The following FBXO28 variants were observed in gnomAD, a reference collection of about 807,000 sequenced individuals.
The protein encoded by FBXO28 is F-box protein 28, also known as F-box only protein 28.
A neutral mutation model predicts 38.1 loss-of-function variants in FBXO28; 8 were observed. That is an observed-to-expected ratio of 0.21 (90% confidence interval 0.12 to 0.38). The LOEUF is 0.38. Ranked by LOEUF, FBXO28 falls within the 10% of genes least tolerant of loss-of-function variation. FBXO28 has a pLI of 1.00. For missense variants in FBXO28, 345 were observed against 460.6 expected (o/e 0.75, Z 2.30); for synonymous variants, 168 against 173.8 (o/e 0.97, Z 0.26).
chr1:224,122,010 G>A (rs1456200911), intron 1 of FBXO28, among the ~76,000 whole-genome samples: 2 of 152,118 alleles, frequency 1.3e-5, no homozygotes, highest in African/African-American at 4.8e-5. Flanking sequence ...TCCTGACCTC[G>A]TGATCCACCT....
chr1:224,139,155 A>G (rs1470435550), intron 3 of FBXO28, among the ~76,000 whole-genome samples: 4 of 151,740 alleles, frequency 2.6e-5, no homozygotes, highest in Non-Finnish European at 5.9e-5. Context: ...ATGGTCCCCA[A>G]AAATTAGGGT....
chr1:224,139,912 T>G (rs1179502430), intron 3 of FBXO28, among the ~76,000 whole-genome samples: 1 of 151,794 alleles, frequency 6.6e-6, no homozygotes, highest in Non-Finnish European at 1.5e-5. Flanking sequence ...GGCTGCAAAG[T>G]AAGACCCCCG....
At chr1:224,146,702 A>T (rs1304604329) in intron 3 of FBXO28, among the ~76,000 whole-genome samples, 51 of 110,322 alleles carry the variant, frequency 4.6e-4, no homozygotes, top group Non-Finnish European at 5.6e-4. Flanking sequence ...TAAAACTAAA[A>T]TTTTTTTTTT....
chr1:224,128,675 G>A (rs1017753554), intron 1 of FBXO28, among the ~76,000 whole-genome samples: 9 of 152,062 alleles, frequency 5.9e-5, no homozygotes, highest in African/African-American at 2.2e-4. Flanking sequence ...TTCTGATCCT[G>A]TGCTTTTACT....
At chr1:224,129,347 A>G (rs1054686190) in intron 1 of FBXO28, among the ~76,000 whole-genome samples, 6 of 152,156 alleles carry the variant, frequency 3.9e-5, no homozygotes, top group Non-Finnish European at 7.3e-5. Context: ...TCTCAAAAAG[A>G]TATTTTGGAG....
At chr1:224,116,941 G>A (rs780510274) in intron 1 of FBXO28, among the ~76,000 whole-genome samples, 13 of 152,120 alleles carry the variant, frequency 8.5e-5, no homozygotes, top group Admixed American at 6.5e-4. Flanking sequence ...TTGGGACGCC[G>A]AGGTGGGCAG....
chr1:224,117,458 T>C (rs180778440), intron 1 of FBXO28, among the ~76,000 whole-genome samples: 128 of 152,196 alleles, frequency 8.4e-4, no homozygotes, highest in Admixed American at 1.8e-3. Context: ...TTATTTTATT[T>C]TTTGGCCATT....
intron 3 of FBXO28, among the ~76,000 whole-genome samples, chr1:224,139,745 AATACATACATGCATGCATGC>A (rs964186360): frequency 4.8e-5 from 5 of 103,782 alleles, no homozygotes; most frequent in South Asian, 3.1e-4. Context: ...GTCTGAAATA[AATACATACATGCATGCATGC>A]ATACATACAT....
chr1:224,147,799 C>G (rs1256099395), intron 3 of FBXO28, among the ~76,000 whole-genome samples: 1 of 144,438 alleles, frequency 6.9e-6, no homozygotes, highest in Non-Finnish European at 1.5e-5. Context: ...AAAACTCATA[C>G]CATTACATTC....
chr1:224,138,377 C>T (rs888740904), intron 3 of FBXO28, among the ~76,000 whole-genome samples: 2 of 151,796 alleles, frequency 1.3e-5, no homozygotes, highest in Admixed American at 1.3e-4. Context: ...GAGAAACAGC[C>T]GTGTGCAATG....
chr1:224,141,851 A>G (rs891574208), intron 3 of FBXO28, among the ~76,000 whole-genome samples: 1 of 151,900 alleles, frequency 6.6e-6, no homozygotes, highest in Non-Finnish European at 1.5e-5. Context: ...CTAGGACATT[A>G]CTGTACACTT....
At chr1:224,116,380 G>A (rs1032063915) in intron 1 of FBXO28, among the ~76,000 whole-genome samples, 11 of 152,120 alleles carry the variant, frequency 7.2e-5, no homozygotes, top group African/African-American at 1.7e-4. Context: ...AGAGTACCTA[G>A]GTGAGCTGTA....
intron 3 of FBXO28, among the ~76,000 whole-genome samples, chr1:224,138,746 CT>C (rs1366638157): frequency 1.3e-5 from 2 of 150,426 alleles, no homozygotes; most frequent in Non-Finnish European, 3.0e-5. Context: ...TTTGTTTTTT[CT>C]TTTTTTTTAT....
chr1:224,132,676 G>A (rs1262853110), intron 2 of FBXO28, among the ~76,000 whole-genome samples: 3 of 151,940 alleles, frequency 2.0e-5, no homozygotes, highest in Non-Finnish European at 2.9e-5. Context: ...ATGATGTCGG[G>A]TGCCTATAAT....
chr1:224,116,915 C>G (rs1396396467), intron 1 of FBXO28, among the ~76,000 whole-genome samples: 2 of 152,126 alleles, frequency 1.3e-5, no homozygotes, highest in South Asian at 2.1e-4. Flanking sequence ...TGGCTTACAC[C>G]TGTAATGCCA....
At chr1:224,137,743 G>C in intron 3 of FBXO28, among the ~76,000 whole-genome samples, 1 of 151,822 alleles carries the variant, frequency 6.6e-6, no homozygotes, top group East Asian at 1.9e-4. Flanking sequence ...GCTCCAGCCA[G>C]ACACCTGTGA....
intron 3 of FBXO28, among the ~76,000 whole-genome samples, chr1:224,136,382 T>A (rs539736203): frequency 6.6e-6 from 1 of 151,978 alleles, no homozygotes; most frequent in Non-Finnish European, 1.5e-5. Context: ...ATATGGTGTT[T>A]ATGATAAGTT....
chr1:224,115,254 A>G (rs1324803033), intron 1 of FBXO28, among the ~76,000 whole-genome samples: 1 of 152,214 alleles, frequency 6.6e-6, no homozygotes, highest in Non-Finnish European at 1.5e-5. Flanking sequence ...GGTGATTGTT[A>G]GTTCAGTTAG....
intron 3 of FBXO28, among the ~76,000 whole-genome samples, chr1:224,152,326 A>C (rs908805733): frequency 6.6e-6 from 1 of 152,210 alleles, no homozygotes; most frequent in Non-Finnish European, 1.5e-5. Context: ...TGGGGGCAGT[A>C]TTAAAAAGAG....
Sources: gnomAD v4.1 joint callset for allele counts (sites outside exome capture counted in the v4.1 genomes callset) on GRCh38, gnomAD v4.1.1 for gene constraint, MANE v1.5 for transcripts, NCBI Gene and HGNC (gene_info 2026-07-23, HGNC 2026-07-21) for gene names.